CACNA1C: variants seen among roughly 807,000 people sequenced by gnomAD.
CACNA1C encodes the protein voltage-dependent L-type calcium channel subunit alpha-1C.
CACNA1C carries 30 observed loss-of-function variants against 229.0 expected under a neutral mutation model. The ratio of observed to expected loss-of-function variants is 0.13; its 90% CI spans 0.10 to 0.18. The LOEUF (loss-of-function observed/expected upper bound fraction) is 0.18, where lower values mean the gene tolerates loss of function less well. Among genes scored for constraint, CACNA1C ranks in the 10% least tolerant of loss-of-function variants. CACNA1C has a pLI of 1.00. For synonymous variants in CACNA1C, 1,114 were observed against 1,132.5 expected (o/e 0.98, Z 0.33); for missense variants, 1,658 against 2,845.0 (o/e 0.58, Z 9.49).
intron 3 of CACNA1C, among the ~76,000 whole-genome samples, chr12:2,447,227 C>T (rs1260015997): frequency 6.6e-6 from 1 of 152,196 alleles, no homozygotes; most frequent in East Asian, 1.9e-4. Flanking sequence ...CATCACCTGA[C>T]TTTAAAAGAT....
intron 3 of CACNA1C, among the ~76,000 whole-genome samples, chr12:2,443,239 C>T (rs538302043): frequency 6.6e-6 from 1 of 152,300 alleles, no homozygotes; most frequent in African/African-American, 2.4e-5. Context: ...GGTAAACTTT[C>T]CTGTTCCAAA....
chr12:2,110,256 G>T (rs1292548163), intron 1 of CACNA1C, among the ~76,000 whole-genome samples: 1 of 152,222 alleles, frequency 6.6e-6, no homozygotes, highest in Non-Finnish European at 1.5e-5. Context: ...GCACCTGGGT[G>T]CAGGAGGAGG....
chr12:2,176,400 G>A (rs1237566702), intron 3 of CACNA1C, among the ~76,000 whole-genome samples: 1 of 152,112 alleles, frequency 6.6e-6, no homozygotes, highest in East Asian at 1.9e-4. Flanking sequence ...CAGCCCTGGA[G>A]GACTGTAAGC....
chr12:2,035,223 G>C (rs1380533613), intron 1 of CACNA1C, among the ~76,000 whole-genome samples: 1 of 152,234 alleles, frequency 6.6e-6, no homozygotes, highest in Admixed American at 6.5e-5. Context: ...CACCTTCCAA[G>C]TCCTGAAGGA....
intron 2 of CACNA1C, among the ~76,000 whole-genome samples, chr12:2,119,057 T>C (rs540534033): frequency 4.9e-4 from 74 of 152,292 alleles, no homozygotes; most frequent in Non-Finnish European, 9.0e-4. Context: ...CAGAAGGCCG[T>C]CTGTGGCAGG....
intron 3 of CACNA1C, among the ~76,000 whole-genome samples, chr12:2,162,816 A>G (rs534580062): frequency 5.3e-5 from 8 of 152,280 alleles, no homozygotes; most frequent in African/African-American, 1.9e-4. Context: ...CTTTGCTGAG[A>G]TGAAATTTCC....
intron 5 of CACNA1C, among the ~76,000 whole-genome samples, chr12:2,460,063 C>T (rs1047035825): frequency 6.6e-6 from 1 of 152,246 alleles, no homozygotes; most frequent in African/African-American, 2.4e-5. Context: ...TCAGCTGCAG[C>T]TCTTCTGCAC....
At chr12:2,334,028 C>T (rs2096624293) in intron 3 of CACNA1C, among the ~76,000 whole-genome samples, 1 of 152,180 alleles carries the variant, frequency 6.6e-6, no homozygotes, top group South Asian at 2.1e-4. Context: ...TGGAAGATCC[C>T]TTATTGTCTC....
At chr12:2,235,415 G>A (rs1157665800) in intron 3 of CACNA1C, among the ~76,000 whole-genome samples, 2 of 152,208 alleles carry the variant, frequency 1.3e-5, no homozygotes, top group South Asian at 2.1e-4. Flanking sequence ...GTGGCAGGAC[G>A]AGGATGCCAA....
chr12:2,440,865 T>C (rs766816951), intron 3 of CACNA1C, among the ~76,000 whole-genome samples: 1 of 152,174 alleles, frequency 6.6e-6, no homozygotes, highest in Non-Finnish European at 1.5e-5. Flanking sequence ...GAGAGGGCAA[T>C]GCGGCAAGTG....
intron 3 of CACNA1C, among the ~76,000 whole-genome samples, chr12:2,442,212 T>A (rs1367766636): frequency 6.6e-6 from 1 of 152,106 alleles, no homozygotes; most frequent in Admixed American, 6.5e-5. Context: ...CGTGAGAAGA[T>A]AAATTGGAAA....
chr12:2,690,796 A>T, intron 46 of CACNA1C, 104 bp from the exon 47 acceptor site: 1 of 1,172,916 alleles, frequency 8.5e-7, no homozygotes, highest in Non-Finnish European at 1.2e-6. Flanking sequence ...ACACTTCCCC[A>T]AGTGACCTAC....
intron 11 of CACNA1C, among the ~76,000 whole-genome samples, chr12:2,559,154 A>G (rs2046184171): frequency 2.6e-5 from 4 of 152,376 alleles, no homozygotes; most frequent in South Asian, 4.1e-4. Context: ...CTGAAAAAGC[A>G]TGTTGTGCTT....
chr12:1,979,682 G>C (rs1235759728), intron 1 of CACNA1C, among the ~76,000 whole-genome samples: 5 of 152,236 alleles, frequency 3.3e-5, no homozygotes, highest in African/African-American at 9.6e-5. Context: ...TTAAGTTTAT[G>C]AGAAATTGCC....
chr12:2,391,594 C>T (rs1331340977), intron 3 of CACNA1C, among the ~76,000 whole-genome samples: 1 of 107,870 alleles, frequency 9.3e-6, no homozygotes, highest in Admixed American at 1.1e-4. Flanking sequence ...TGACAGTGGG[C>T]GGGAGGCAGA....
At chr12:2,413,743 T>C (rs1174115876) in intron 3 of CACNA1C, among the ~76,000 whole-genome samples, 1 of 152,172 alleles carries the variant, frequency 6.6e-6, no homozygotes, top group Non-Finnish European at 1.5e-5. Flanking sequence ...ACCTGCATCT[T>C]TGCTCACCAT....
At chr12:2,626,495 T>G (rs1449347834) in intron 29 of CACNA1C, among the ~76,000 whole-genome samples, 3 of 152,244 alleles carry the variant, frequency 2.0e-5, no homozygotes. Flanking sequence ...CATCTGATGC[T>G]GCTTGTTTCC....
At position 2,462,333 on chromosome 12, in the gene CACNA1C, CG is replaced by C. The variant is rs149546844; in HGVS notation, c.757+4628del. ...TACAGGCCTGCGCACCTCCTCGGCC[CG>C]CCCCTTGGCTCAGCTCTCTGCACAG... On this transcript the variant is annotated intron_variant, in intron 5 of 46. Coordinates refer to ENST00000399655, the MANE Select transcript of CACNA1C (RefSeq NM_000719.7). Among the ~76,000 whole-genome samples, 544 of 115,808 alleles carry C rather than the reference CG, an allele frequency of 4.7e-3. 1 individual carries two copies. Among genetic ancestry groups the C allele is most frequent in the African/African-American group, 5.8e-3 (180 of 31,000 alleles). 76.0% of individuals were successfully genotyped at this position (115,808 alleles called of 152,430 possible).
At chr12:2,529,350 C>T (rs530240305) in intron 9 of CACNA1C, among the ~76,000 whole-genome samples, 49 of 152,332 alleles carry the variant, frequency 3.2e-4, no homozygotes, top group African/African-American at 1.1e-3. Context: ...TAGTGTCTCC[C>T]TGTCTGCTGT....
Sources: gnomAD v4.1 joint callset for allele counts (sites outside exome capture counted in the v4.1 genomes callset) on GRCh38, gnomAD v4.1.1 for gene constraint, MANE v1.5 for transcripts, NCBI Gene and HGNC (gene_info 2026-07-23, HGNC 2026-07-21) for gene names.